Variants in IGF2R observed in about 807,000 individuals in gnomAD.
IGF2R encodes the protein cation-independent mannose-6-phosphate receptor.
In IGF2R, 91 loss-of-function variants were observed where a neutral mutation model predicts 270.6. The observed-to-expected ratio is 0.34, with a 90% CI of 0.28 to 0.40. The LOEUF (loss-of-function observed/expected upper bound fraction) is 0.40, where lower values mean the gene tolerates loss of function less well. Among genes scored for constraint, IGF2R ranks in the 10% least tolerant of loss-of-function variants. IGF2R has a pLI of 1.00. For missense variants in IGF2R, 2,805 were observed against 3,188.3 expected, an observed-to-expected ratio of 0.88 and a Z score of 2.90; for synonymous variants, 1,316 against 1,258.9, an observed-to-expected ratio of 1.05 and a Z score of -0.96.
chr6:160,078,394 A>C (rs1271885739), intron 37 of IGF2R, 32 bp downstream of exon 37: 2 of 1,599,264 alleles, frequency 1.3e-6, no homozygotes, highest in Admixed American at 3.4e-5. Context: ...TTGCTGGTGC[A>C]GGTGTACCAG....
chr6:160,101,552 G>A (rs1779485189), intron 45 of IGF2R, among the ~76,000 whole-genome samples: 2 of 152,246 alleles, frequency 1.3e-5, no homozygotes, highest in Admixed American at 1.3e-4. Flanking sequence ...GGGTTGGCCT[G>A]TTGCCCTCAA....
intron 45 of IGF2R, among the ~76,000 whole-genome samples, chr6:160,096,912 G>A (rs1227028703): frequency 1.3e-5 from 2 of 152,126 alleles, no homozygotes; most frequent in African/African-American, 4.8e-5. Context: ...TCCAGTCAGG[G>A]CACCCCAGCT....
At chr6:160,051,110 G>A (rs1328206498) in intron 19 of IGF2R, among the ~76,000 whole-genome samples, 4 of 151,908 alleles carry the variant, frequency 2.6e-5, no homozygotes, top group Non-Finnish European at 2.9e-5. Flanking sequence ...GCATAGCACC[G>A]GGGAATAAAT....
chr6:160,099,657 G>A (rs983160411), intron 45 of IGF2R, among the ~76,000 whole-genome samples: 1 of 152,166 alleles, frequency 6.6e-6, no homozygotes, highest in African/African-American at 2.4e-5. Context: ...GTGAGCCACC[G>A]TGCCCGGCCT....
chr6:160,029,692 C>A, intron 7 of IGF2R, 37 bp downstream of exon 7: 2 of 1,477,228 alleles, frequency 1.4e-6, no homozygotes, highest in Non-Finnish European at 1.9e-6. Flanking sequence ...ATGTGGCGCA[C>A]AGTAGCCTGG....
At chr6:160,077,686 A>G (rs181991750) in intron 36 of IGF2R, among the ~76,000 whole-genome samples, 2 of 152,362 alleles carry the variant, frequency 1.3e-5, no homozygotes, top group East Asian at 3.9e-4. Context: ...GATGCTTAAC[A>G]TTAATTACAA....
chr6:159,991,754 C>G (rs556920167), intron 2 of IGF2R, among the ~76,000 whole-genome samples: 1 of 152,268 alleles, frequency 6.6e-6, no homozygotes, highest in Non-Finnish European at 1.5e-5. Flanking sequence ...TTTCTGCTGT[C>G]AAAGATGGTC....
Position 160,078,382 on chromosome 6 carries a change from C to T in IGF2R, c.5478+20C>T, listed in dbSNP as rs369230125. 73 of 1,608,974 alleles carry T rather than the reference C, an allele frequency of 4.5e-5. No individual in the cohort carries two copies. Among genetic ancestry groups the T allele is most frequent in the South Asian group, 3.3e-4 (30 of 90,852 alleles). The stretch of plus-strand genomic sequence containing the variant: ...TTTAAGGTAATGCGTTCACCCTGGG[C>T]GTTGCTGGTGCAGGTGTACCAGGTG... On this transcript the variant is annotated intron_variant, in intron 37 of 47. Coordinates refer to ENST00000356956, the MANE Select transcript of IGF2R (RefSeq NM_000876.4).
intron 41 of IGF2R, 115 bp from the exon 42 acceptor site, chr6:160,087,918 T>G: frequency 1.5e-6 from 1 of 672,568 alleles, no homozygotes; most frequent in South Asian, 1.7e-5. Flanking sequence ...TCAAGTGATC[T>G]GCCCTCTTTG....
At chr6:160,016,330 T>C (rs974053111) in intron 4 of IGF2R, among the ~76,000 whole-genome samples, 11 of 152,220 alleles carry the variant, frequency 7.2e-5, no homozygotes, top group African/African-American at 2.7e-4. Context: ...GGCCAGTGCT[T>C]GTCTCAGCTG....
At chr6:160,069,607 C>A (rs751474199) in intron 30 of IGF2R, among the ~76,000 whole-genome samples, 1 of 152,154 alleles carries the variant, frequency 6.6e-6, no homozygotes, top group East Asian at 1.9e-4. Flanking sequence ...GAAAGAATTT[C>A]GACTGCTACA....
intron 34 of IGF2R, 100 bp downstream of exon 34, chr6:160,073,569 G>C (rs1014904888): frequency 7.2e-7 from 1 of 1,392,402 alleles, no homozygotes. Context: ...ATGCCCAGCT[G>C]AACTGTCCAC....
rs201417797 is a variant in IGF2R, at chr6:160,103,840, G to A, written c.7065+25G>A. On this transcript the variant is annotated intron_variant, in intron 47 of 47. Transcript: ENST00000356956. ...GGTAATTTTCTGTGGCGAGTCTCTT[G>A]AAGGCCTGCCTCCCCGGCCCCCTGT... The A allele has an allele frequency of 1.5e-3, 2,364 of 1,530,562 alleles. 3 individuals carry two copies. The highest frequency in any genetic ancestry group is 2.0e-3 in the Non-Finnish European group (2,168 of 1,103,650). 94.8% of individuals were successfully genotyped at this position (1,530,562 alleles called of 1,614,324 possible). A position where few individuals can be genotyped will look rare whatever the true frequency, so the allele number is the denominator to read the frequency against.
chr6:160,020,055 A>T (rs971298206), intron 4 of IGF2R, among the ~76,000 whole-genome samples: 1 of 151,956 alleles, frequency 6.6e-6, no homozygotes, highest in Non-Finnish European at 1.5e-5. Context: ...TACCTAGAAA[A>T]CTCTAAAGTT....
rs1583259212 is a variant in IGF2R, at chr6:160,012,745, T to TTATATACATATATATATA, written c.513+1966_513+1967insCATATATATATATATATA. Among the ~76,000 whole-genome samples, 4 of 105,336 alleles carry TTATATACATATATATATA rather than the reference T, an allele frequency of 3.8e-5. 1 individual carries two copies. The East Asian group carries it at 1.7e-3, about 45-fold the overall frequency. The allele number at this position is 105,336 out of a possible 152,430, so 69.1% of individuals were successfully genotyped here. A position where few individuals can be genotyped will look rare whatever the true frequency, so the allele number is the denominator to read the frequency against. Reference sequence around the variant, plus strand: ...GCATGAGCCACCATGCCCGGCTAATTTATATATATATATATATATTTTTTT... The same window carrying TTATATACATATATATATA: ...GCATGAGCCACCATGCCCGGCTAATTTATATACATATATATATATATATATATATATATATATTTTTTT... On this transcript the variant is annotated intron_variant, in intron 4 of 47. Coordinates refer to ENST00000356956, the MANE Select transcript of IGF2R (RefSeq NM_000876.4).
chr6:159,978,177 A>G (rs1029798397), intron 1 of IGF2R, among the ~76,000 whole-genome samples: 1 of 152,124 alleles, frequency 6.6e-6, no homozygotes, highest in Non-Finnish European at 1.5e-5. Context: ...AAGCTTCCTC[A>G]TGAGAAAGAA....
rs147450794 is a variant in IGF2R, at chr6:160,075,960, G to A, written c.5280G>A (p.Ser1760=). ...CGGACAAGCATTTCAACTACACCTCGCTCATCGCGTTTCACTGTAAGAGAG... is the reference window on the plus strand; with the variant it reads ...CGGACAAGCATTTCAACTACACCTCACTCATCGCGTTTCACTGTAAGAGAG... ...CLADKHFNYT[S]LIAFHCKRGV... The change falls in exon 36 of 48, where the codon TCG becomes TCA. Residue 1760 remains serine, a synonymous_variant. Transcript: ENST00000356956. The A allele has an allele frequency of 8.7e-6, 14 of 1,614,054 alleles. No homozygotes were observed. The East Asian group carries it at 2.4e-4, about 28-fold the overall frequency.
At position 160,088,089 on chromosome 6, in the gene IGF2R, G is replaced by A. The variant is rs1239143442; in HGVS notation, c.6262G>A (p.Ala2088Thr). ...KGYPCGGNKT[A>T]SSVIELTCTK... is the part of the protein sequence containing the mutation. ...TTATCCGTGTGGTGGAAATAAGACC[G>A]CATCCTCCGTGATAGAATTGACCTG... The change falls in exon 42 of 48, where the codon GCA (alanine) becomes ACA (threonine). Residue 2088 changes from alanine to threonine, a missense_variant. Transcript: ENST00000356956. The A allele has an allele frequency of 1.9e-6, 3 of 1,613,874 alleles. No homozygotes were observed. Among genetic ancestry groups the A allele is most frequent in the East Asian group, 2.2e-5 (1 of 44,888 alleles).
At chr6:160,062,769 C>CTT (rs898510896) in intron 26 of IGF2R, 150 bp downstream of exon 26, 9 of 460,596 alleles carry the variant, frequency 2.0e-5, no homozygotes, top group South Asian at 3.3e-5. Flanking sequence ...TTTCCTTGAG[C>CTT]TTTTTTTTTT....
Sources: gnomAD v4.1 joint callset for allele counts (sites outside exome capture counted in the v4.1 genomes callset) on GRCh38, gnomAD v4.1.1 for gene constraint, MANE v1.5 for transcripts, NCBI Gene and HGNC (gene_info 2026-07-23, HGNC 2026-07-21) for gene names.